Variants in PCDH11X observed in about 807,000 individuals in gnomAD.
PCDH11X encodes protocadherin-11 X-linked.
In PCDH11X, 18 loss-of-function variants were observed where a neutral mutation model predicts 53.3. The ratio of observed to expected loss-of-function variants is 0.34; its 90% CI spans 0.23 to 0.50. The LOEUF (loss-of-function observed/expected upper bound fraction) is 0.50. Among genes scored for constraint, PCDH11X ranks in the 20% least tolerant of loss-of-function variants. The pLI, the probability that PCDH11X is intolerant of heterozygous loss-of-function variation, is 0.98. For missense variants in PCDH11X, 570 were observed against 1,032.4 expected (o/e 0.55, Z 6.14); for synonymous variants, 279 against 393.3 (o/e 0.71, Z 3.44).
chrX:92,208,206 A>C (rs917488880), intron 7 of PCDH11X, among the ~76,000 whole-genome samples: 11 of 105,857 alleles, frequency 1.0e-4, no homozygotes, highest in African/African-American at 3.4e-4. Context: ...AAAAAAAAAA[A>C]AAAAAAAAAA....
intron 6 of PCDH11X, among the ~76,000 whole-genome samples, chrX:92,094,892 A>C (rs1167702820): frequency 3.6e-5 from 4 of 111,802 alleles, no homozygotes; most frequent in Non-Finnish European, 7.5e-5. Context: ...TTCCTCTTTA[A>C]TTTGAATGTT....
chrX:92,200,469 A>C (rs1275782810), intron 6 of PCDH11X, among the ~76,000 whole-genome samples: 1 of 112,323 alleles, frequency 8.9e-6, no homozygotes, highest in East Asian at 2.8e-4. Context: ...TATATCAAAA[A>C]GATACTTGCA....
chrX:91,825,228 G>C (rs1936866972), intron 4 of PCDH11X, among the ~76,000 whole-genome samples: 2 of 109,285 alleles, frequency 1.8e-5, no homozygotes, highest in Admixed American at 9.4e-5. Context: ...GGGCTGCTTT[G>C]TTTACCTAAG....
At chrX:92,069,805 G>T (rs913144537) in intron 6 of PCDH11X, among the ~76,000 whole-genome samples, 5 of 110,986 alleles carry the variant, frequency 4.5e-5, no homozygotes, top group Non-Finnish European at 9.4e-5. Flanking sequence ...CCTCAGCCCC[G>T]CAAGTAGCTG....
intron 6 of PCDH11X, among the ~76,000 whole-genome samples, chrX:92,188,201 C>T (rs947774223): frequency 2.7e-5 from 3 of 111,269 alleles, no homozygotes; most frequent in African/African-American, 6.5e-5. Context: ...GTTTCTTCTG[C>T]ATAACTCTTT....
At chrX:92,123,696 C>T (rs895874733) in intron 6 of PCDH11X, among the ~76,000 whole-genome samples, 3 of 105,211 alleles carry the variant, frequency 2.9e-5, no homozygotes, top group African/African-American at 7.0e-5. Context: ...TAAATCAGGC[C>T]GTTGGCCATC....
Position 91,877,444 on chromosome X carries a change from C to A in PCDH11X, c.1204C>A (p.His402Asn), listed in dbSNP as rs769189983. ...TGGCAGGGTGACATGCTTCACAGATCATGAAATCCCTTTCAGATTAAGGCC... is the reference window on the plus strand; with the variant it reads ...TGGCAGGGTGACATGCTTCACAGATAATGAAATCCCTTTCAGATTAAGGCC... ...HNGRVTCFTD[H>N]EIPFRLRPVF... The change falls in exon 6 of 11, where the codon CAT (histidine) becomes AAT (asparagine). Residue 402 changes from histidine to asparagine, a missense_variant. His to Asn is a moderately conservative substitution (Grantham distance 68, BLOSUM62 1). Transcript: ENST00000682573. 1 of 1,208,550 alleles carries A rather than the reference C, an allele frequency of 8.3e-7. No homozygotes were observed. The highest frequency in any genetic ancestry group is 1.8e-5 in the African/African-American group (1 of 56,731).
intron 5 of PCDH11X, among the ~76,000 whole-genome samples, chrX:91,874,968 A>G (rs1306770525): frequency 9.6e-6 from 1 of 104,119 alleles, no homozygotes; most frequent in Admixed American, 1.1e-4. Context: ...ATCAATAACC[A>G]ATCCATGCCA....
intron 7 of PCDH11X, among the ~76,000 whole-genome samples, chrX:92,243,788 C>A (rs923167479): frequency 1.8e-5 from 2 of 111,031 alleles, no homozygotes; most frequent in African/African-American, 6.5e-5. Flanking sequence ...ACGTAGCCCA[C>A]TTTAAGTTTT....
intron 9 of PCDH11X, among the ~76,000 whole-genome samples, chrX:92,437,643 G>A (rs1033855980): frequency 1.8e-5 from 2 of 109,269 alleles, no homozygotes; most frequent in African/African-American, 3.4e-5. Context: ...TAAGTAAGCA[G>A]AAGAAAAGCT....
chrX:91,924,208 T>C (rs1199088568), intron 6 of PCDH11X, among the ~76,000 whole-genome samples: 4 of 108,458 alleles, frequency 3.7e-5, no homozygotes, highest in Non-Finnish European at 1.9e-5. Flanking sequence ...ATTACCCAAG[T>C]GAGTTCAATT....
chrX:92,358,262 T>C (rs1481673428), intron 8 of PCDH11X, among the ~76,000 whole-genome samples: 2 of 98,777 alleles, frequency 2.0e-5, no homozygotes, highest in African/African-American at 7.4e-5. Flanking sequence ...ATTGATGTCA[T>C]GGAGTAAAGA....
chrX:92,429,534 G>C (rs1254596779), intron 9 of PCDH11X, among the ~76,000 whole-genome samples: 2 of 106,531 alleles, frequency 1.9e-5, no homozygotes, highest in African/African-American at 6.8e-5. Context: ...AGCTAGGACA[G>C]GTAGTGTTTT....
chrX:92,508,211 TTG>T (rs1419055863), intron 10 of PCDH11X, among the ~76,000 whole-genome samples: 1 of 60,175 alleles, frequency 1.7e-5, no homozygotes, highest in African/African-American at 4.3e-5. Context: ...TAACTCTACT[TTG>T]TTTTTTTTTG....
chrX:91,891,571 G>A lies in PCDH11X; in HGVS notation c.3033+12298G>A, dbSNP rs113156255. ...TCATATTTACTAAAGTTTTAGTTTC[G>A]TGCGTTTTATTGTATTAACATTTTT... On this transcript the variant is annotated intron_variant, in intron 6 of 10. Coordinates refer to ENST00000682573, the MANE Select transcript of PCDH11X (RefSeq NM_032968.5). 3.4e-3 allele frequency among the ~76,000 whole-genome samples: 344 copies of A among 101,120 alleles called. 2 individuals are homozygous for A. Among genetic ancestry groups the A allele is most frequent in the South Asian group, 0.025 (54 of 2,128 alleles). 87.8% of individuals were successfully genotyped at this position (101,120 alleles called of 115,157 possible). A position where few individuals can be genotyped will look rare whatever the true frequency, so the allele number is the denominator to read the frequency against.
At chrX:92,317,434 CTCTA>C (rs1286349487) in intron 8 of PCDH11X, among the ~76,000 whole-genome samples, 59 of 110,923 alleles carry the variant, frequency 5.3e-4, no homozygotes, top group African/African-American at 1.9e-3. Context: ...TAATCTCTTT[CTCTA>C]TCTTTCTCTC....
intron 1 of PCDH11X, among the ~76,000 whole-genome samples, chrX:91,796,055 T>A (rs1935723582): frequency 8.9e-6 from 1 of 112,193 alleles, no homozygotes; most frequent in Non-Finnish European, 1.9e-5. Context: ...CAAACATACC[T>A]TTAAAGGTCA....
At chrX:92,114,218 T>C (rs2064586297) in intron 6 of PCDH11X, 10 of 1,041,452 alleles carry the variant, frequency 9.6e-6, no homozygotes, top group Admixed American at 2.2e-5. Context: ...GTGGCCATTT[T>C]CCCAGTCCCA....
At position 92,306,904 on chromosome X, in the gene PCDH11X, C is replaced by T. The variant is rs1409940576; in HGVS notation, c.3144+43761C>T. On this transcript the variant is annotated intron_variant, in intron 8 of 10. Transcript: ENST00000682573. ...GGTGGAGGTTGCAGTGAGCCAAGAT[C>T]GTGCCACTGCACTCCAGCCTGGGCA... Among the ~76,000 whole-genome samples the T allele has an allele frequency of 4.5e-5, 5 of 110,941 alleles. No individual in the cohort carries two copies. The East Asian group carries it at 1.1e-3, about 25-fold the overall frequency.
Sources: gnomAD v4.1 joint callset for allele counts (sites outside exome capture counted in the v4.1 genomes callset) on GRCh38, gnomAD v4.1.1 for gene constraint, MANE v1.5 for transcripts, NCBI Gene and HGNC (gene_info 2026-07-23, HGNC 2026-07-21) for gene names.